Variants in SCN1A observed in about 807,000 individuals in gnomAD.
SCN1A encodes the protein sodium voltage-gated channel alpha subunit 1.
Under a neutral mutation model 193.7 loss-of-function variants are expected in SCN1A, and 13 were observed. The ratio of observed to expected loss-of-function variants is 0.07; its 90% CI spans 0.04 to 0.11. SCN1A has a LOEUF of 0.11. Among genes scored for constraint, SCN1A ranks in the 10% least tolerant of loss-of-function variants. The pLI is 1.00. For missense variants in SCN1A, 1,432 were observed against 2,451.1 expected, an observed-to-expected ratio of 0.58 and a Z score of 8.78; for synonymous variants, 781 against 843.6, an observed-to-expected ratio of 0.93 and a Z score of 1.29.
intron 1 of SCN1A, among the ~76,000 whole-genome samples, chr2:166,134,630 A>G (rs1171946680): frequency 6.6e-6 from 1 of 152,202 alleles, no homozygotes; most frequent in African/African-American, 2.4e-5. Context: ...AGCTTTCAGG[A>G]ATGCAGGCCC....
At chr2:166,095,489 A>T (rs1056320906) in intron 2 of SCN1A, among the ~76,000 whole-genome samples, 1 of 152,100 alleles carries the variant, frequency 6.6e-6, no homozygotes, top group African/African-American at 2.4e-5. Flanking sequence ...ACAAAGGGGG[A>T]TTGAAACAAT....
chr2:165,990,377 A>G lies in SCN1A; in HGVS notation c.*868T>C, dbSNP rs1688967518. ...AAATTTATAAAGAGTAATTTTGGTCAATTCAGTCTTCTGGCGGTGGAGGGT... is the reference window on the plus strand; with the variant it reads ...AAATTTATAAAGAGTAATTTTGGTCGATTCAGTCTTCTGGCGGTGGAGGGT... On this transcript the variant is annotated 3_prime_UTR_variant, in exon 29 of 29. Transcript: ENST00000674923. The G allele has an allele frequency of 6.6e-6, 1 of 152,546 alleles. No homozygotes were observed. The highest frequency in any genetic ancestry group is 2.1e-4 in the South Asian group (1 of 4,824). 9.4% of individuals were successfully genotyped at this position (152,546 alleles called of 1,614,324 possible).
chr2:165,987,746 TATC>T lies in SCN1A; in HGVS notation c.*3496_*3498del, dbSNP rs1230673136. On this transcript the variant is annotated 3_prime_UTR_variant, in exon 29 of 29. Transcript: ENST00000674923. ...AATAATTACTTTTTAGCACAGAAAA[TATC>T]ATGCCAAATATTTCAAAATGAATAT... 3.9e-5 allele frequency: 6 copies of T among 152,144 alleles called. No individual in the cohort carries two copies. The highest frequency in any genetic ancestry group is 5.9e-5 in the Non-Finnish European group (4 of 68,024). 9.4% of individuals were successfully genotyped at this position (152,144 alleles called of 1,614,324 possible). A position where few individuals can be genotyped will look rare whatever the true frequency, so the allele number is the denominator to read the frequency against.
intron 19 of SCN1A, among the ~76,000 whole-genome samples, chr2:166,024,841 G>T (rs191993307): frequency 3.3e-5 from 5 of 152,064 alleles, no homozygotes; most frequent in Non-Finnish European, 7.4e-5. Context: ...TGTATTTTTT[G>T]TAGAGACAGC....
rs369888322 is a variant in SCN1A at position 166,112,946 on chromosome 2, C to T, written c.-142+13978G>A. ...CTACCCTATACTTTCTGCTATATGT[C>T]TCTTCCAGGCTGTTCCTTTACAATA... On this transcript the variant is annotated intron_variant, in intron 2 of 28. Coordinates refer to ENST00000674923, the MANE Select transcript of SCN1A (RefSeq NM_001165963.4). 3.2e-4 allele frequency among the ~76,000 whole-genome samples: 49 copies of T among 152,286 alleles called. No homozygotes were observed. In the South Asian group the frequency reaches 8.3e-3, roughly 26 times the overall value.
chr2:166,108,705 A>G (rs1350897215), intron 2 of SCN1A, among the ~76,000 whole-genome samples: 4 of 152,198 alleles, frequency 2.6e-5, no homozygotes, highest in African/African-American at 9.6e-5. Flanking sequence ...GAAGAAAGTC[A>G]CAAAAGATGA....
At chr2:166,101,343 ACT>A (rs1194626171) in intron 2 of SCN1A, among the ~76,000 whole-genome samples, 3 of 115,324 alleles carry the variant, frequency 2.6e-5, no homozygotes, top group African/African-American at 3.4e-5. Context: ...GGAATATCAC[ACT>A]CTGGGGACTG....
intron 26 of SCN1A, chr2:165,996,392 T>G: frequency 3.5e-6 from 1 of 289,366 alleles, no homozygotes; most frequent in African/African-American, 2.2e-5. Context: ...CAAGACCTTA[T>G]GCTTAGTGAG....
intron 26 of SCN1A, 197 bp from the exon 27 acceptor site, chr2:165,996,314 T>C (rs1690050628): frequency 2.3e-6 from 1 of 427,670 alleles, no homozygotes; most frequent in Non-Finnish European, 4.2e-6. Context: ...TAATTCAAAA[T>C]TGACTTTATT....
intron 2 of SCN1A, among the ~76,000 whole-genome samples, chr2:166,084,120 T>C (rs192676992): frequency 6.6e-6 from 1 of 152,096 alleles, no homozygotes; most frequent in East Asian, 1.9e-4. Context: ...TTGCACAAAG[T>C]GGATTACTCG....
chr2:166,134,282 C>T (rs1691770476), intron 1 of SCN1A, among the ~76,000 whole-genome samples: 1 of 152,118 alleles, frequency 6.6e-6, no homozygotes, highest in African/African-American at 2.4e-5. Context: ...TTTTATACCA[C>T]AAAGGTCCAT....
At chr2:166,072,399 G>C (rs997566842) in intron 4 of SCN1A, among the ~76,000 whole-genome samples, 4 of 152,094 alleles carry the variant, frequency 2.6e-5, no homozygotes, top group African/African-American at 7.2e-5. Flanking sequence ...TTTCAAGCAT[G>C]GATATGAAAA....
At chr2:166,042,641 C>G (rs1451868776) in intron 14 of SCN1A, among the ~76,000 whole-genome samples, 2 of 152,078 alleles carry the variant, frequency 1.3e-5, no homozygotes, top group Non-Finnish European at 2.9e-5. Flanking sequence ...ATGTTAACTT[C>G]CTGATTTCAT....
At chr2:166,066,990 A>G (rs1198468108) in intron 4 of SCN1A, among the ~76,000 whole-genome samples, 1 of 152,018 alleles carries the variant, frequency 6.6e-6, no homozygotes, top group Non-Finnish European at 1.5e-5. Context: ...GCTTGATTAT[A>G]TGTCTTATTC....
At chr2:166,127,291 C>T (rs1691359379) in intron 1 of SCN1A, among the ~76,000 whole-genome samples, 1 of 152,152 alleles carries the variant, frequency 6.6e-6, no homozygotes, top group Admixed American at 6.5e-5. Context: ...CCCTGCAATG[C>T]TAGGCTCCAG....
Position 166,127,002 on chromosome 2 carries a change from T to C in SCN1A, c.-220A>G, listed in dbSNP as rs899402709. 1 of 152,200 alleles carries C rather than the reference T, an allele frequency of 6.6e-6. No homozygotes were observed. The highest frequency in any genetic ancestry group is 1.5e-5 in the Non-Finnish European group (1 of 68,048). The allele number at this position is 152,200 out of a possible 1,614,324, so 9.4% of individuals were successfully genotyped here. ...CTCACCTCCACTCAGAAATAATTCT[T>C]ATGCTGTTCTGAAAAGCAAGACGGT... On this transcript the variant is annotated 5_prime_UTR_variant, in exon 2 of 29. In the 5' UTR this introduces an upstream ATG that the reference lacks. Transcript: ENST00000674923.
intron 2 of SCN1A, among the ~76,000 whole-genome samples, chr2:166,120,287 AAAG>A (rs1690395481): frequency 6.6e-6 from 1 of 151,684 alleles, no homozygotes; most frequent in African/African-American, 2.4e-5. Flanking sequence ...AAAACTTTAT[AAAG>A]AAGAAAACAG....
At chr2:166,138,921 G>T (rs752841797) in intron 1 of SCN1A, among the ~76,000 whole-genome samples, 54 of 152,286 alleles carry the variant, frequency 3.5e-4, no homozygotes, top group Non-Finnish European at 6.5e-4. Context: ...CCCACCTCTT[G>T]CATCAACGTG....
intron 19 of SCN1A, among the ~76,000 whole-genome samples, chr2:166,034,922 A>T (rs896451626): frequency 3.3e-5 from 5 of 152,192 alleles, no homozygotes; most frequent in African/African-American, 1.2e-4. Flanking sequence ...CTCACTAGAC[A>T]TTGATGCTGC....
Sources: allele counts gnomAD v4.1 joint callset (sites outside exome capture counted in the v4.1 genomes callset), GRCh38; gene constraint gnomAD v4.1.1; transcripts MANE v1.5; gene names NCBI Gene and HGNC (gene_info 2026-07-23, HGNC 2026-07-21).